TENM2: variants seen among roughly 807,000 people sequenced by gnomAD.
The protein encoded by TENM2 is teneurin transmembrane protein 2.
Under a neutral mutation model 245.2 loss-of-function variants are expected in TENM2, and 52 were observed. That is an observed-to-expected ratio of 0.21 (90% CI 0.17 to 0.27). The LOEUF (loss-of-function observed/expected upper bound fraction) is 0.27, where lower values mean the gene tolerates loss of function less well. Among genes scored for constraint, TENM2 ranks in the 10% least tolerant of loss-of-function variants. TENM2 has a pLI of 1.00. For missense variants in TENM2, 3,046 were observed against 3,666.8 expected (o/e 0.83, Z 4.37); for synonymous variants, 1,363 against 1,438.9 (o/e 0.95, Z 1.19).
chr5:167,238,818 G>A, the TENM2 span, among the ~76,000 whole-genome samples: 17 of 151,946 alleles, frequency 1.1e-4, no homozygotes, highest in South Asian at 3.3e-3. Context: ...TTTCTTCACT[G>A]ATCAGGAAGA....
At chr5:167,788,213 G>T (rs900161183) in intron 2 of TENM2, among the ~76,000 whole-genome samples, 2 of 152,146 alleles carry the variant, frequency 1.3e-5, no homozygotes, top group African/African-American at 4.8e-5. Flanking sequence ...TGGGCCAATT[G>T]CCTTACTCCA....
intron 2 of TENM2, among the ~76,000 whole-genome samples, chr5:167,858,352 T>A (rs577378015): frequency 1.5e-4 from 23 of 152,252 alleles, no homozygotes; most frequent in Non-Finnish European, 2.9e-4. Context: ...GACATTTCTG[T>A]CACATCACTT....
At chr5:168,010,925 G>T (rs971680316) in intron 5 of TENM2, among the ~76,000 whole-genome samples, 2 of 152,232 alleles carry the variant, frequency 1.3e-5, no homozygotes, top group East Asian at 3.8e-4. Context: ...AACTGCTCTT[G>T]CAGTGATCCT....
At chr5:167,570,640 A>G (rs1214167558) in intron 2 of TENM2, among the ~76,000 whole-genome samples, 2 of 152,138 alleles carry the variant, frequency 1.3e-5, no homozygotes, top group Admixed American at 6.5e-5. Context: ...CCAGAACCCT[A>G]GGAATGCCCC....
intron 2 of TENM2, among the ~76,000 whole-genome samples, chr5:167,705,985 ATATATATT>A (rs1395682553): frequency 1.1e-3 from 90 of 84,610 alleles, no homozygotes; most frequent in East Asian, 6.9e-3. Flanking sequence ...ATATATATAT[ATATATATT>A]TATTTATTTA....
intron 1 of TENM2, among the ~76,000 whole-genome samples, chr5:167,329,317 G>A (rs547413170): frequency 8.3e-4 from 126 of 151,546 alleles, no homozygotes; most frequent in African/African-American, 2.9e-3. Context: ...AGGCCGAGGC[G>A]GGCGGATCAT....
intron 2 of TENM2, among the ~76,000 whole-genome samples, chr5:167,643,892 CAT>C (rs771948668): frequency 2.0e-5 from 3 of 152,112 alleles, no homozygotes; most frequent in Non-Finnish European, 4.4e-5. Context: ...TGAGATGAGT[CAT>C]AGGAATCTGA....
chr5:168,062,321 G>T, intron 7 of TENM2, 56 bp downstream of exon 9: 1 of 1,366,092 alleles, frequency 7.3e-7, no homozygotes, highest in Non-Finnish European at 1.0e-6. Context: ...GTATATATGT[G>T]TGTGTGTATA....
chr5:167,702,537 T>A (rs1758208683), intron 2 of TENM2, among the ~76,000 whole-genome samples: 1 of 121,844 alleles, frequency 8.2e-6, no homozygotes, highest in Non-Finnish European at 1.6e-5. Context: ...TATGTATGTA[T>A]GTATGTGTGT....
At chr5:167,005,191 C>T in the TENM2 span, among the ~76,000 whole-genome samples, 1 of 152,058 alleles carries the variant, frequency 6.6e-6, no homozygotes, top group Non-Finnish European at 1.5e-5. Flanking sequence ...TGGTGTCTTT[C>T]ACTGTTTCTG....
chr5:167,640,866 T>TATATATATCC (rs1779530473), intron 2 of TENM2, among the ~76,000 whole-genome samples: 3 of 28,260 alleles, frequency 1.1e-4, no homozygotes, highest in African/African-American at 6.9e-4. Flanking sequence ...TATCCATATA[T>TATATATATCC]ATATATATAT....
intron 2 of TENM2, among the ~76,000 whole-genome samples, chr5:167,832,869 G>A (rs1183386263): frequency 8.5e-6 from 1 of 118,174 alleles, no homozygotes; most frequent in Non-Finnish European, 1.9e-5. Context: ...ACTTACAATT[G>A]TAGATAGTGA....
chr5:167,326,123 G>A (rs1268782922), intron 1 of TENM2, among the ~76,000 whole-genome samples: 2 of 152,136 alleles, frequency 1.3e-5, no homozygotes. Context: ...TGAAGAGAGA[G>A]TGTTCTCAGT....
chr5:168,137,424 C>A (rs866147668), intron 12 of TENM2, among the ~76,000 whole-genome samples: 1 of 152,224 alleles, frequency 6.6e-6, no homozygotes, highest in Non-Finnish European at 1.5e-5. Flanking sequence ...GTGGGGGAGT[C>A]CCCAAGATTA....
the TENM2 span, among the ~76,000 whole-genome samples, chr5:167,207,127 G>A: frequency 6.6e-6 from 1 of 152,076 alleles, no homozygotes; most frequent in African/African-American, 2.4e-5. Context: ...TGATTTCCAA[G>A]TTTATTCCAG....
At chr5:168,030,627 G>A (rs991699860) in intron 5 of TENM2, among the ~76,000 whole-genome samples, 1 of 152,096 alleles carries the variant, frequency 6.6e-6, no homozygotes, top group South Asian at 2.1e-4. Context: ...GGCAGGAGTG[G>A]TCTCTTCAGA....
the TENM2 span, among the ~76,000 whole-genome samples, chr5:167,093,039 C>T: frequency 6.6e-6 from 1 of 152,128 alleles, no homozygotes; most frequent in Non-Finnish European, 1.5e-5. Context: ...ACCATCAAAT[C>T]TCTGCCCTGG....
chr5:166,982,736 A>G, the TENM2 span, among the ~76,000 whole-genome samples: 1 of 151,960 alleles, frequency 6.6e-6, no homozygotes, highest in Non-Finnish European at 1.5e-5. Context: ...CATAGTATAT[A>G]CCACAGATTC....
the TENM2 span, among the ~76,000 whole-genome samples, chr5:167,230,030 A>G: frequency 6.6e-6 from 1 of 152,046 alleles, no homozygotes; most frequent in African/African-American, 2.4e-5. Flanking sequence ...GATGGGCAGG[A>G]TTGCTTCTTG....
Sources: gnomAD v4.1 joint callset for allele counts (sites outside exome capture counted in the v4.1 genomes callset) on GRCh38, gnomAD v4.1.1 for gene constraint, MANE v1.5 for transcripts, NCBI Gene and HGNC (gene_info 2026-07-23, HGNC 2026-07-21) for gene names.